Variants in UNC5C observed in about 807,000 individuals in gnomAD.
The protein encoded by UNC5C is netrin receptor UNC5C.
A neutral mutation model predicts 99.8 loss-of-function variants in UNC5C; 47 were observed. The observed-to-expected ratio is 0.47, with a 90% CI of 0.37 to 0.60. The LOEUF (loss-of-function observed/expected upper bound fraction) is 0.60, where lower values mean the gene tolerates loss of function less well. Among genes scored for constraint, UNC5C ranks in the 20% least tolerant of loss-of-function variants. The probability of loss-of-function intolerance (pLI) is 0.00; values close to 1 mark genes in which losing one functional copy is unlikely to be tolerated. For missense variants in UNC5C, 1,062 were observed against 1,165.9 expected (o/e 0.91, Z 1.30); for synonymous variants, 487 against 452.2 (o/e 1.08, Z -0.98).
intron 1 of UNC5C, among the ~76,000 whole-genome samples, chr4:95,344,473 T>G (rs71601270): frequency 0.12 from 18,234 of 152,048 alleles, 1,413 homozygotes; most frequent in South Asian, 0.23. Context: ...AAAGAAAATG[T>G]TAATGAGCAA....
At position 95,450,521 on chromosome 4, in the gene UNC5C, A is replaced by T. The variant is rs530002234; in HGVS notation, c.124+98213T>A. 1.1e-4 allele frequency among the ~76,000 whole-genome samples: 16 copies of T among 152,340 alleles called. No homozygotes were observed. The South Asian group carries it at 2.7e-3, about 26-fold the overall frequency. Reference sequence around the variant, plus strand: ...GCACCTGGCCTTGGTGGTACTTCTTACATCAAAGATCTAATGGTTTTGAAC... The same window carrying T: ...GCACCTGGCCTTGGTGGTACTTCTTTCATCAAAGATCTAATGGTTTTGAAC... On this transcript the variant is annotated intron_variant, in intron 1 of 15. Transcript: ENST00000453304.
intron 10 of UNC5C, among the ~76,000 whole-genome samples, chr4:95,207,970 T>C (rs1737941540): frequency 6.6e-6 from 1 of 152,222 alleles, no homozygotes; most frequent in Non-Finnish European, 1.5e-5. Context: ...ATGATGTCTC[T>C]ACAGTCTTCT....
At chr4:95,260,544 T>G (rs1414994812) in intron 4 of UNC5C, among the ~76,000 whole-genome samples, 1 of 152,104 alleles carries the variant, frequency 6.6e-6, no homozygotes, top group East Asian at 1.9e-4. Context: ...TGCTTTTCTC[T>G]CTCCCCACAG....
intron 1 of UNC5C, among the ~76,000 whole-genome samples, chr4:95,378,309 T>C (rs947881338): frequency 2.6e-5 from 4 of 152,218 alleles, no homozygotes; most frequent in Non-Finnish European, 5.9e-5. Context: ...CTTAGATATA[T>C]AATCTATTAA....
At chr4:95,483,137 C>G (rs1721219367) in intron 1 of UNC5C, among the ~76,000 whole-genome samples, 1 of 151,190 alleles carries the variant, frequency 6.6e-6, no homozygotes, top group Admixed American at 6.6e-5. Flanking sequence ...GGTTTTGGCT[C>G]TGGTATATTA....
chr4:95,183,722 T>TA (rs1231993394), intron 13 of UNC5C, among the ~76,000 whole-genome samples: 2 of 152,030 alleles, frequency 1.3e-5, no homozygotes, highest in Non-Finnish European at 2.9e-5. Context: ...GGTTGCCACA[T>TA]AAAAAATGGG....
chr4:95,259,781 T>A (rs1740151406), intron 4 of UNC5C, among the ~76,000 whole-genome samples: 1 of 152,176 alleles, frequency 6.6e-6, no homozygotes, highest in African/African-American at 2.4e-5. Flanking sequence ...AAAAGAAATA[T>A]TCACTATCAT....
chr4:95,239,718 A>G (rs1339503697), intron 7 of UNC5C, among the ~76,000 whole-genome samples: 2 of 152,162 alleles, frequency 1.3e-5, no homozygotes, highest in East Asian at 1.9e-4. Context: ...GCAATATTTT[A>G]TCCAACATTT....
chr4:95,541,038 A>G (rs1398192466), intron 1 of UNC5C, among the ~76,000 whole-genome samples: 1 of 152,216 alleles, frequency 6.6e-6, no homozygotes, highest in Non-Finnish European at 1.5e-5. Flanking sequence ...TATTTAAAAT[A>G]TTGAATTTGA....
intron 1 of UNC5C, among the ~76,000 whole-genome samples, chr4:95,374,808 A>C (rs1249959996): frequency 6.6e-6 from 1 of 152,198 alleles, no homozygotes; most frequent in Admixed American, 6.5e-5. Context: ...TGAAAGAAGC[A>C]GAAAAGTATG....
At chr4:95,451,463 A>C (rs1051384341) in intron 1 of UNC5C, among the ~76,000 whole-genome samples, 1 of 152,224 alleles carries the variant, frequency 6.6e-6, no homozygotes, top group African/African-American at 2.4e-5. Context: ...TCGATATCTT[A>C]ACCATAAGTC....
intron 1 of UNC5C, among the ~76,000 whole-genome samples, chr4:95,337,963 C>T (rs1743412162): frequency 6.6e-6 from 1 of 151,888 alleles, no homozygotes; most frequent in Admixed American, 6.6e-5. Context: ...AAGCCTATGC[C>T]CTGGATGAAT....
At position 95,331,717 on chromosome 4, in the gene UNC5C, TATTA is replaced by T. The variant is rs567039748; in HGVS notation, c.346+3689_346+3692del. 4.9e-3 allele frequency among the ~76,000 whole-genome samples: 745 copies of T among 152,276 alleles called. 5 individuals carry two copies. Among genetic ancestry groups the T allele is most frequent in the African/African-American group, 0.017 (707 of 41,568 alleles). ...TAGTCTTATTCATTGATGTATGTAATATTAATTAATTTTTATGTACAATTATAAA... is the reference window on the plus strand; with the variant it reads ...TAGTCTTATTCATTGATGTATGTAATATTAATTTTTATGTACAATTATAAA... On this transcript the variant is annotated intron_variant, in intron 2 of 15. Transcript: ENST00000453304.
At chr4:95,383,913 A>G (rs1745140241) in intron 1 of UNC5C, among the ~76,000 whole-genome samples, 1 of 152,166 alleles carries the variant, frequency 6.6e-6, no homozygotes. Flanking sequence ...ATAAGACCAA[A>G]TGGTTTCCTC....
intron 1 of UNC5C, among the ~76,000 whole-genome samples, chr4:95,536,731 G>C (rs1194815072): frequency 6.6e-6 from 1 of 152,006 alleles, no homozygotes; most frequent in African/African-American, 2.4e-5. Flanking sequence ...AAATAAAATG[G>C]GTTTAGAATT....
At chr4:95,529,515 C>G (rs2149492490) in intron 1 of UNC5C, among the ~76,000 whole-genome samples, 1 of 151,814 alleles carries the variant, frequency 6.6e-6, no homozygotes, top group East Asian at 1.9e-4. Context: ...TGCTTGAGAC[C>G]AGGAGCTCAA....
intron 4 of UNC5C, among the ~76,000 whole-genome samples, chr4:95,261,227 TC>T (rs1740213774): frequency 6.6e-6 from 1 of 152,032 alleles, no homozygotes; most frequent in South Asian, 2.1e-4. Context: ...CAGGCTGGTG[TC>T]CCCAGGGAAG....
intron 4 of UNC5C, among the ~76,000 whole-genome samples, chr4:95,265,045 GC>G (rs1161435424): frequency 6.6e-6 from 1 of 152,022 alleles, no homozygotes; most frequent in Non-Finnish European, 1.5e-5. Flanking sequence ...GATGCCTGGG[GC>G]CCCACCTTCA....
chr4:95,368,310 A>AAG (rs200733733), intron 1 of UNC5C, among the ~76,000 whole-genome samples: 1 of 149,954 alleles, frequency 6.7e-6, no homozygotes, highest in Non-Finnish European at 1.5e-5. Flanking sequence ...AAAAAAAAAA[A>AAG]CCAATCAATT....
Sources: allele counts gnomAD v4.1 joint callset (sites outside exome capture counted in the v4.1 genomes callset), GRCh38; gene constraint gnomAD v4.1.1; transcripts MANE v1.5; gene names NCBI Gene and HGNC (gene_info 2026-07-23, HGNC 2026-07-21).